The following SHPRH variants were observed in gnomAD, a reference collection of about 807,000 sequenced individuals.
SHPRH encodes the protein SNF2 histone linker PHD RING helicase.
In SHPRH, 106 loss-of-function variants were observed where a neutral mutation model predicts 202.5. That is an observed-to-expected ratio of 0.52 (90% CI 0.45 to 0.62). The LOEUF is 0.62. Ranked by LOEUF, SHPRH falls within the 20% of genes least tolerant of loss-of-function variation. The probability of loss-of-function intolerance (pLI) is 0.00; values close to 1 mark genes in which losing one functional copy is unlikely to be tolerated. For synonymous variants in SHPRH, 729 were observed against 686.0 expected (o/e 1.06, Z -0.98); for missense variants, 1,710 against 2,020.0 (o/e 0.85, Z 2.94).
intron 2 of SHPRH, among the ~76,000 whole-genome samples, chr6:145,875,876 T>C (rs1780278125): frequency 6.6e-6 from 1 of 152,338 alleles, no homozygotes; most frequent in Admixed American, 6.5e-5. Context: ...TTACAATGTG[T>C]GCTTCATATT....
In SHPRH at chr6:145,913,486, C is replaced by T. The variant is rs1317743826; in HGVS notation, c.4318G>A (p.Gly1440Arg). Residue 1440 changes from glycine (G) to arginine (R), a missense_variant, in exon 24 of 30, where the codon GGA (glycine) becomes AGA (arginine). Physicochemically the swap from Gly to Arg is moderately radical, Grantham distance 125. Coordinates refer to ENST00000275233, the MANE Select transcript of SHPRH (RefSeq NM_001042683.3). ...GTTTATCATAATTTTACCTGTTTTC[C>T]TAGCTGTCGAGCACAGATTGGGCAA... Reference protein sequence around the residue: ...EPCPICARQLGKQWAVLTCGH... With the variant: ...EPCPICARQLRKQWAVLTCGH... 15 of 1,608,520 alleles carry T rather than the reference C, an allele frequency of 9.3e-6. No individual in the cohort carries two copies. Among genetic ancestry groups the T allele is most frequent in the Non-Finnish European group, 1.2e-5 (14 of 1,177,376 alleles).
chr6:145,910,560 G>A lies in SHPRH; in HGVS notation c.4403C>T (p.Ser1468Phe). Residue 1468 changes from serine to phenylalanine, a missense_variant, in exon 25 of 30, where the codon TCT becomes TTT. Physicochemically the swap from Ser to Phe is radical, Grantham distance 155 (BLOSUM62 -2). This residue lies in a region of SHPRH where 306 missense variants were observed against 479.5 expected (regional missense o/e 0.64). Transcript: ENST00000275233. ...TGCACACTTAATGGAGCTTCTGTGA[G>A]ATCCCACGCTGTATTGTTCAATAAT... is the stretch of plus-strand genomic sequence containing the variant. ...SIIIEQYSVGSHRSSIKCAIC... is the reference protein window; with the variant it reads ...SIIIEQYSVGFHRSSIKCAIC... The A allele has an allele frequency of 2.5e-6, 4 of 1,612,838 alleles. 1 individual carries two copies. In the South Asian group the frequency reaches 4.4e-5, roughly 18 times the overall value.
Position 145,923,636 on chromosome 6 carries a change from T to G in SHPRH, c.3545+7A>C. The G allele has an allele frequency of 5.0e-6, 8 of 1,610,498 alleles. No homozygotes were observed. The highest frequency in any genetic ancestry group is 6.8e-6 in the Non-Finnish European group (8 of 1,178,114). On this transcript the variant is annotated splice_region_variant and intron_variant, in intron 18 of 29. Coordinates refer to ENST00000275233, the MANE Select transcript of SHPRH (RefSeq NM_001042683.3). ...TGAGTAGATACTTTTTCTTCCTGTTTTCTTACTTCTCTGACATAGAAAGCT... is the reference window on the plus strand; with the variant it reads ...TGAGTAGATACTTTTTCTTCCTGTTGTCTTACTTCTCTGACATAGAAAGCT...
intron 25 of SHPRH, among the ~76,000 whole-genome samples, chr6:145,898,068 T>TA (rs1782170571): frequency 6.6e-6 from 1 of 152,098 alleles, no homozygotes; most frequent in African/African-American, 2.4e-5. Context: ...AGGAGGAAGT[T>TA]AAACTGTTTG....
Position 145,943,541 on chromosome 6 carries a change from T to C in SHPRH, c.1840A>G (p.Met614Val), listed in dbSNP as rs938276636. The change falls in exon 9 of 30, where the codon ATG becomes GTG. Residue 614 changes from methionine to valine, a missense_variant. Met to Val is a conservative substitution (Grantham distance 21, BLOSUM62 1). Transcript: ENST00000275233. ...TSDSGITDVA[M>V]SKSTCISEFN... is the part of the protein sequence containing the mutation. ...TCAGAGATACATGTACTTTTAGACA[T>C]AGCAACATCAGTTATTCCAGAGTCG... is the stretch of plus-strand genomic sequence containing the variant. 6 of 1,613,928 alleles carry C rather than the reference T, an allele frequency of 3.7e-6. No individual in the cohort carries two copies. Among genetic ancestry groups the C allele is most frequent in the Admixed American group, 1.7e-5 (1 of 59,978 alleles).
rs1387472447 is a variant in SHPRH, at chr6:145,901,015, G to T, written c.4516-6038C>A. Among the ~76,000 whole-genome samples the T allele has an allele frequency of 5.3e-5, 8 of 151,888 alleles. No homozygotes were observed. The East Asian group carries it at 1.6e-3, about 29-fold the overall frequency. ...AATTGGTTAAGTATGTGAAGTGATGGGTATGTTAATTAGCTTGATTCAATC... is the reference window on the plus strand; with the variant it reads ...AATTGGTTAAGTATGTGAAGTGATGTGTATGTTAATTAGCTTGATTCAATC... On this transcript the variant is annotated intron_variant, in intron 25 of 29. Transcript: ENST00000275233.
chr6:145,875,792 T>C (rs1583267989), intron 2 of SHPRH, among the ~76,000 whole-genome samples: 1 of 152,228 alleles, frequency 6.6e-6, no homozygotes, highest in East Asian at 1.9e-4. Context: ...CAGCCCGCAA[T>C]TCCAGATGCT....
chr6:145,896,326 T>A (rs1242087284), intron 25 of SHPRH, among the ~76,000 whole-genome samples: 1 of 152,036 alleles, frequency 6.6e-6, no homozygotes, highest in African/African-American at 2.4e-5. Context: ...GTAAAGGTGA[T>A]CATTTCAGAA....
At chr6:145,864,441 G>A (rs1779679825) in exon 3 of SHPRH, 1 of 378,046 alleles carries the variant, frequency 2.6e-6, no homozygotes, top group South Asian at 2.3e-5. Flanking sequence ...CCAGGGGTGG[G>A]AGAATGGGGT....
At chr6:145,895,871 A>C (rs1301739749) in intron 25 of SHPRH, among the ~76,000 whole-genome samples, 2 of 152,042 alleles carry the variant, frequency 1.3e-5, no homozygotes, top group African/African-American at 4.8e-5. Flanking sequence ...TGAATGAGAA[A>C]ATGTATACGA....
intron 5 of SHPRH, 141 bp downstream of exon 5, chr6:145,948,131 T>C: frequency 1.9e-6 from 1 of 531,836 alleles, no homozygotes; most frequent in Non-Finnish European, 3.3e-6. Flanking sequence ...ATCTATCCTA[T>C]CCATAGATAT....
intron 24 of SHPRH, among the ~76,000 whole-genome samples, chr6:145,912,741 T>C (rs1271341104): frequency 2.6e-5 from 4 of 152,126 alleles, no homozygotes; most frequent in Non-Finnish European, 5.9e-5. Context: ...GGAATGCATA[T>C]ATTTACCTTT....
chr6:145,962,288 T>C lies in SHPRH; in HGVS notation c.-33+1443A>G, dbSNP rs543644828. ...AGTAGTATCCTATTCAGTGTTGTACTCCCAATGCCAGGTCAGTGCTAGGAA... is the reference window on the plus strand; with the variant it reads ...AGTAGTATCCTATTCAGTGTTGTACCCCCAATGCCAGGTCAGTGCTAGGAA... On this transcript the variant is annotated intron_variant, in intron 1 of 29. Coordinates refer to ENST00000275233, the MANE Select transcript of SHPRH (RefSeq NM_001042683.3). 9.8e-5 allele frequency among the ~76,000 whole-genome samples: 15 copies of C among 152,304 alleles called. No homozygotes were observed. The South Asian group carries it at 3.1e-3, about 32-fold the overall frequency.
In SHPRH at chr6:145,943,344, C is replaced by T. The variant is rs9373478; in HGVS notation, c.2037G>A (p.Lys679=). 1.0e-3 allele frequency: 1,679 copies of T among 1,613,902 alleles called. 27 individuals are homozygous for T. In the East Asian group the frequency reaches 0.033, roughly 31 times the overall value. Residue 679 remains lysine, a synonymous_variant, in exon 9 of 30, where the codon AAG becomes AAA. Transcript: ENST00000275233. ...IDRKPRVQCL[K]CHLWQHAKCV... is the part of the protein sequence containing the mutation. ...ACTTTGCATGTTGCCACAGGTGACA[C>T]TTCAGGCATTGAACACGAGGCTTAC...
At chr6:145,889,720 A>C (rs1011517946) in intron 28 of SHPRH, among the ~76,000 whole-genome samples, 1 of 152,182 alleles carries the variant, frequency 6.6e-6, no homozygotes, top group South Asian at 2.1e-4. Flanking sequence ...ATCTGAAAAA[A>C]TCCTACAGGC....
intron 23 of SHPRH, among the ~76,000 whole-genome samples, chr6:145,914,117 CAT>C (rs1447247027): frequency 1.3e-5 from 2 of 152,032 alleles, no homozygotes; most frequent in Admixed American, 1.3e-4. Flanking sequence ...TTAAAACAAA[CAT>C]ATGATTCCCA....
chr6:145,870,011 G>GA (rs2128689806), intron 2 of SHPRH, among the ~76,000 whole-genome samples: 1 of 151,268 alleles, frequency 6.6e-6, no homozygotes, highest in African/African-American at 2.4e-5. Context: ...GTTATTCTTT[G>GA]ATTTTTTTTC....
the SHPRH span, among the ~76,000 whole-genome samples, chr6:145,858,836 G>A: frequency 1.1e-4 from 17 of 152,022 alleles, no homozygotes; most frequent in Admixed American, 8.5e-4. Context: ...TGCTAATGCC[G>A]GATGAAAGAA....
chr6:145,902,036 G>A (rs973521901), intron 25 of SHPRH, among the ~76,000 whole-genome samples: 6 of 152,194 alleles, frequency 3.9e-5, no homozygotes, highest in Middle Eastern at 6.8e-3. Flanking sequence ...ACCAGTCAGC[G>A]CAAGGCTGTT....
Sources: gnomAD v4.1 joint callset for allele counts (sites outside exome capture counted in the v4.1 genomes callset) on GRCh38, gnomAD v4.1.1 for gene constraint, gnomAD v4.1.1 regional missense constraint, MANE v1.5 for transcripts, NCBI Gene and HGNC (gene_info 2026-07-23, HGNC 2026-07-21) for gene names.